Variants in RUNX2 observed in about 807,000 individuals in gnomAD.
RUNX2 encodes RUNX family transcription factor 2.
A neutral mutation model predicts 51.7 loss-of-function variants in RUNX2; 10 were observed. The ratio of observed to expected loss-of-function variants is 0.19; its 90% CI spans 0.12 to 0.33. RUNX2 has a LOEUF of 0.33. RUNX2 is among the 10% of genes least tolerant of loss of function. RUNX2 has a pLI of 1.00. For synonymous variants in RUNX2, 276 were observed against 273.6 expected, an observed-to-expected ratio of 1.01 and a Z score of -0.09; for missense variants, 562 against 691.3, an observed-to-expected ratio of 0.81 and a Z score of 2.10.
intron 2 of RUNX2, among the ~76,000 whole-genome samples, chr6:45,360,079 T>C (rs1300086576): frequency 6.6e-6 from 1 of 152,236 alleles, no homozygotes; most frequent in African/African-American, 2.4e-5. Flanking sequence ...CTAAATTTTG[T>C]AAATCAAAAT....
At chr6:45,432,736 T>C (rs1313138188) in intron 4 of RUNX2, among the ~76,000 whole-genome samples, 2 of 152,188 alleles carry the variant, frequency 1.3e-5, no homozygotes, top group Admixed American at 1.3e-4. Context: ...TAAATGAGGT[T>C]AATGTTTTTT....
chr6:45,468,313 A>G (rs1799698191), intron 5 of RUNX2, among the ~76,000 whole-genome samples: 1 of 152,260 alleles, frequency 6.6e-6, no homozygotes, highest in South Asian at 2.1e-4. Flanking sequence ...TATAAAAGAA[A>G]AATAAAGGAA....
chr6:45,373,814 A>G (rs1796421828), intron 2 of RUNX2, among the ~76,000 whole-genome samples: 1 of 151,994 alleles, frequency 6.6e-6, no homozygotes, highest in Non-Finnish European at 1.5e-5. Context: ...CAGCCTCCCA[A>G]AGTGCTGGGA....
chr6:45,353,885 C>A (rs1284192364), intron 2 of RUNX2, among the ~76,000 whole-genome samples: 1 of 149,532 alleles, frequency 6.7e-6, no homozygotes, highest in Non-Finnish European at 1.5e-5. Flanking sequence ...AAGGTCAGTG[C>A]CTTTAGTATA....
chr6:45,445,643 G>T, intron 5 of RUNX2, among the ~76,000 whole-genome samples: 1 of 152,140 alleles, frequency 6.6e-6, no homozygotes, highest in South Asian at 2.1e-4. Flanking sequence ...TAGAATTTAT[G>T]GGTAAATGCC....
At chr6:45,346,981 A>G (rs184359704) in intron 2 of RUNX2, among the ~76,000 whole-genome samples, 1 of 152,338 alleles carries the variant, frequency 6.6e-6, no homozygotes, top group East Asian at 1.9e-4. Flanking sequence ...TAACAGCTAA[A>G]GAAATACTAT....
chr6:45,355,067 T>C (rs539967962), intron 2 of RUNX2, among the ~76,000 whole-genome samples: 25 of 151,922 alleles, frequency 1.6e-4, no homozygotes, highest in Admixed American at 3.3e-4. Context: ...CTCAACCACT[T>C]GGGCTTAAGC....
Position 45,422,745 on chromosome 6 carries a change from C to CAGG in RUNX2, c.215_217dup (p.Glu72dup), listed in dbSNP as rs756600003. ...GCAGCAGCAACAGCAGCAGCAGCAG[C>CAGG]AGGAGGCGGCGGCGGCGGCTGCGGC... On this transcript the variant is annotated inframe_insertion, in exon 3 of 9. Coordinates refer to ENST00000647337, the MANE Select transcript of RUNX2 (RefSeq NM_001024630.4). 12 of 1,539,040 alleles carry CAGG rather than the reference C, an allele frequency of 7.8e-6. No homozygotes were observed. The Admixed American group carries it at 2.4e-4, about 31-fold the overall frequency.
rs191822384 is a variant in RUNX2, at chr6:45,358,284, G to C, written c.58+29500G>C. 4.2e-4 allele frequency among the ~76,000 whole-genome samples: 64 copies of C among 152,238 alleles called. 1 individual carries two copies. In the East Asian group the frequency reaches 8.9e-3, roughly 21 times the overall value. ...TATGGTAGCTGTTTGCTAAGTTTAT[G>C]GCTAAACTTAAATAAAATCTACAAT... On this transcript the variant is annotated intron_variant, in intron 2 of 8. Transcript: ENST00000647337.
rs759074837 is a variant in RUNX2 at position 45,422,939 on chromosome 6, C to A, written c.405C>A (p.Thr135=). 3.1e-6 allele frequency: 5 copies of A among 1,611,842 alleles called. No homozygotes were observed. The highest frequency in any genetic ancestry group is 4.2e-6 in the Non-Finnish European group (5 of 1,179,604). The change falls in exon 3 of 9, where the codon ACC becomes ACA. Residue 135 remains threonine (T), a synonymous_variant. Transcript: ENST00000647337. ...VLPSHWRCNK[T]LPVAFKVVAL... ...CCTCGCACTGGCGCTGCAACAAGAC[C>A]CTGCCCGTGGCCTTCAAGGTAAGAG... is the stretch of plus-strand genomic sequence containing the variant.
intron 7 of RUNX2, among the ~76,000 whole-genome samples, chr6:45,525,105 A>G (rs1801632658): frequency 1.3e-5 from 2 of 152,172 alleles, no homozygotes; most frequent in African/African-American, 2.4e-5. Context: ...AGTGAGACTC[A>G]GTCTCAAAAG....
intron 2 of RUNX2, among the ~76,000 whole-genome samples, chr6:45,417,536 C>T (rs1316131740): frequency 2.6e-5 from 4 of 152,228 alleles, no homozygotes; most frequent in African/African-American, 9.6e-5. Context: ...ATCTGAACCA[C>T]ATGCACACCC....
intron 6 of RUNX2, among the ~76,000 whole-genome samples, chr6:45,493,476 G>A (rs1425453199): frequency 6.6e-6 from 1 of 152,102 alleles, no homozygotes; most frequent in Non-Finnish European, 1.5e-5. Flanking sequence ...ATTTAAAGTA[G>A]TGGACTTAGA....
intron 1 of RUNX2, 62 bp downstream of exon 1, chr6:45,328,522 C>A: frequency 4.5e-6 from 7 of 1,559,058 alleles, no homozygotes; most frequent in Non-Finnish European, 6.1e-6. Flanking sequence ...TTTGCTCATT[C>A]TCTTTTTGTT....
chr6:45,473,643 C>T (rs764268649), intron 5 of RUNX2, among the ~76,000 whole-genome samples: 3 of 152,194 alleles, frequency 2.0e-5, no homozygotes, highest in Non-Finnish European at 2.9e-5. Flanking sequence ...GTGGACCACA[C>T]AGAATGGGTT....
intron 2 of RUNX2, among the ~76,000 whole-genome samples, chr6:45,397,905 G>A (rs907118049): frequency 6.6e-6 from 1 of 152,202 alleles, no homozygotes; most frequent in South Asian, 2.1e-4. Context: ...GGTCTTCGAG[G>A]CAGGGAGGAT....
At chr6:45,416,093 A>G (rs1423361430) in intron 2 of RUNX2, among the ~76,000 whole-genome samples, 3 of 152,240 alleles carry the variant, frequency 2.0e-5, no homozygotes, top group African/African-American at 7.2e-5. Context: ...AAACACTGAG[A>G]GAACGGTTTC....
Position 45,547,896 on chromosome 6 carries a change from GT to G in RUNX2, c.*608del, listed in dbSNP as rs398001403. The stretch of plus-strand genomic sequence containing the variant: ...GGTCCTCATCTGAACTGTTGGGTTC[GT>G]TTTTTTTTTTTTTTTTCCTGCTCCA... On this transcript the variant is annotated 3_prime_UTR_variant, in exon 9 of 9. Transcript: ENST00000647337. The G allele has an allele frequency of 0.27, 36,546 of 135,482 alleles. 5,008 individuals are homozygous for G. The highest frequency in any genetic ancestry group is 0.33 in the Non-Finnish European group (20,791 of 63,036). The allele number at this position is 135,482 out of a possible 1,614,324, so 8.4% of individuals were successfully genotyped here.
chr6:45,421,455 A>C (rs1320909520), intron 2 of RUNX2: 1 of 152,192 alleles, frequency 6.6e-6, no homozygotes. Context: ...AAACCCTGCA[A>C]AATCTTTTTC....
Sources: gnomAD v4.1 joint callset for allele counts (sites outside exome capture counted in the v4.1 genomes callset) on GRCh38, gnomAD v4.1.1 for gene constraint, MANE v1.5 for transcripts, NCBI Gene and HGNC (gene_info 2026-07-23, HGNC 2026-07-21) for gene names.